Variants in SSUH2 observed in about 807,000 individuals in gnomAD.
The protein encoded by SSUH2 is protein SSUH2 homolog.
SSUH2 carries 47 observed loss-of-function variants against 55.3 expected under a neutral mutation model. The observed-to-expected ratio is 0.85, with a 90% CI of 0.67 to 1.08. The LOEUF is 1.08. Ranked by LOEUF, SSUH2 falls within the 50% of genes least tolerant of loss-of-function variation. The pLI is 0.00. For missense variants in SSUH2, 535 were observed against 490.7 expected, an observed-to-expected ratio of 1.09 and a Z score of -0.85; for synonymous variants, 212 against 191.5, an observed-to-expected ratio of 1.11 and a Z score of -0.89.
chr3:8,655,768 A>G (rs1173197690), intron 7 of SSUH2, among the ~76,000 whole-genome samples: 1 of 152,224 alleles, frequency 6.6e-6, no homozygotes, highest in Non-Finnish European at 1.5e-5. Context: ...AAAACTGATA[A>G]CACAGCCCCT....
intron 7 of SSUH2, among the ~76,000 whole-genome samples, chr3:8,656,235 T>A (rs1347433304): frequency 6.6e-6 from 1 of 152,244 alleles, no homozygotes; most frequent in Non-Finnish European, 1.5e-5. Flanking sequence ...ATACTCTCCC[T>A]CTTTTCCATG....
chr3:8,633,611 G>T, intron 4 of SSUH2, 55 bp downstream of exon 4: 1 of 1,420,078 alleles, frequency 7.0e-7, no homozygotes, highest in Non-Finnish European at 9.4e-7. Context: ...CTGTCCCAAA[G>T]CCCCCAGCTC....
chr3:8,630,402 C>T (rs1698525115), intron 6 of SSUH2, among the ~76,000 whole-genome samples: 3 of 152,206 alleles, frequency 2.0e-5, no homozygotes, highest in Admixed American at 6.5e-5. Context: ...GATTCTGTTT[C>T]CTTACTGACT....
rs748586388 is a variant in SSUH2, at chr3:8,619,765, G to T, written c.*103C>A. The T allele has an allele frequency of 2.2e-6, 3 of 1,387,348 alleles. No individual in the cohort carries two copies. The highest frequency in any genetic ancestry group is 3.0e-6 in the Non-Finnish European group (3 of 1,011,466). 85.9% of individuals were successfully genotyped at this position (1,387,348 alleles called of 1,614,324 possible). ...TTTCTGGAAGGACATGCCAGGGTTTGTATGTGATTGTCCAATGCAGCCAAC... is the reference window on the plus strand; with the variant it reads ...TTTCTGGAAGGACATGCCAGGGTTTTTATGTGATTGTCCAATGCAGCCAAC... On this transcript the variant is annotated 3_prime_UTR_variant, in exon 12 of 12. Coordinates refer to ENST00000544814, the MANE Select transcript of SSUH2 (RefSeq NM_001256748.3).
At chr3:8,632,161 G>A (rs1374534334) in intron 4 of SSUH2, 52 bp from the exon 5 acceptor site, 1 of 1,489,470 alleles carries the variant, frequency 6.7e-7, no homozygotes, top group African/African-American at 1.4e-5. Context: ...TGAAGACAGA[G>A]CATTATGCAA....
intron 7 of SSUH2, among the ~76,000 whole-genome samples, chr3:8,656,556 T>C (rs1559497383): frequency 1.3e-5 from 2 of 152,138 alleles, no homozygotes; most frequent in South Asian, 2.1e-4. Flanking sequence ...TGCCCCACCA[T>C]GTGCCCTAGG....
intron 4 of SSUH2, among the ~76,000 whole-genome samples, chr3:8,633,182 T>C (rs949792400): frequency 3.3e-5 from 5 of 149,914 alleles, no homozygotes; most frequent in African/African-American, 7.4e-5. Flanking sequence ...TCGTTCTTGT[T>C]GCCCAGGCTG....
chr3:8,623,362 C>G (rs1696837499), intron 11 of SSUH2, 187 bp downstream of exon 11: 1 of 510,026 alleles, frequency 2.0e-6, no homozygotes, highest in Non-Finnish European at 3.5e-6. Flanking sequence ...CTTCCTGCCT[C>G]TGCGTCTTAC....
intron 3 of SSUH2, chr3:8,634,579 G>A (rs1699577315): frequency 7.8e-7 from 1 of 1,289,712 alleles, no homozygotes; most frequent in Non-Finnish European, 1.0e-6. Flanking sequence ...ATCCATGGAT[G>A]GCAGCACAAG....
At chr3:8,643,241 TA>T (rs964444265) in intron 1 of SSUH2, among the ~76,000 whole-genome samples, 2 of 151,956 alleles carry the variant, frequency 1.3e-5, no homozygotes, top group East Asian at 1.9e-4. Flanking sequence ...ACCATCCCTT[TA>T]AAAAAAATTA....
rs573033062 is a variant in SSUH2 at position 8,619,809 on chromosome 3, G to A, written c.*59C>T. 11 of 1,583,128 alleles carry A rather than the reference G, an allele frequency of 6.9e-6. No individual in the cohort carries two copies. In the South Asian group the frequency reaches 1.3e-4, roughly 18 times the overall value. ...AGCCAACAGTGAACACACTCAGAGA[G>A]TGTCGGCCATCTTCCTTGGCAAACG... On this transcript the variant is annotated 3_prime_UTR_variant, in exon 12 of 12. Coordinates refer to ENST00000544814, the MANE Select transcript of SSUH2 (RefSeq NM_001256748.3).
intron 8 of SSUH2, among the ~76,000 whole-genome samples, chr3:8,626,663 C>A (rs1697633594): frequency 6.6e-6 from 1 of 151,868 alleles, no homozygotes; most frequent in Admixed American, 6.6e-5. Flanking sequence ...CAGGCGAGTG[C>A]AATGAGATCT....
chr3:8,631,858 TC>T (rs1323315992), intron 5 of SSUH2, among the ~76,000 whole-genome samples, 190 bp downstream of exon 5: 1 of 151,798 alleles, frequency 6.6e-6, no homozygotes, highest in African/African-American at 2.4e-5. Flanking sequence ...AGGAAGCATT[TC>T]CTAAGATAAG....
chr3:8,675,306 C>CGGGCTTCCCCAAGGGTTCAA (rs1348132066), intron 3 of SSUH2, among the ~76,000 whole-genome samples: 2 of 152,136 alleles, frequency 1.3e-5, no homozygotes, highest in African/African-American at 2.4e-5. Flanking sequence ...ACACTTGGAC[C>CGGGCTTCCCCAAGGGTTCAA]GGGCTTCCCC....
chr3:8,641,259 C>T (rs889818964), intron 1 of SSUH2, among the ~76,000 whole-genome samples: 5 of 152,214 alleles, frequency 3.3e-5, no homozygotes, highest in African/African-American at 7.2e-5. Context: ...GGTCTGTGTC[C>T]CCCACCAGAC....
At chr3:8,650,981 A>T (rs1023169412) in intron 7 of SSUH2, among the ~76,000 whole-genome samples, 3 of 152,228 alleles carry the variant, frequency 2.0e-5, no homozygotes, top group Non-Finnish European at 4.4e-5. Context: ...GCTCATTTCC[A>T]GCAAAAGGCA....
chr3:8,674,905 A>C (rs549020670), intron 3 of SSUH2, among the ~76,000 whole-genome samples: 2 of 152,224 alleles, frequency 1.3e-5, no homozygotes, highest in South Asian at 4.2e-4. Flanking sequence ...TTGGCCAGTT[A>C]AGACTGCGGC....
At chr3:8,640,862 C>T (rs1476632273) in intron 1 of SSUH2, among the ~76,000 whole-genome samples, 1 of 152,194 alleles carries the variant, frequency 6.6e-6, no homozygotes, top group Non-Finnish European at 1.5e-5. Flanking sequence ...GCAAATATTG[C>T]AATTTTTGTT....
rs746882683 is a variant in SSUH2 at position 8,627,737 on chromosome 3, G to T, written c.635C>A (p.Ser212Tyr). Residue 212 changes from serine (S) to tyrosine (Y), a missense_variant, in exon 8 of 12, where the codon TCC becomes TAC. Transcript: ENST00000544814. ...CCGAKRKAKQ[S>Y]RRCQLCAGSG... ...CCCCGCGCACAGCTGACATCTCCGG[G>T]ACTGCTTGGCTTTGCGCTTGGCTCC... is the stretch of plus-strand genomic sequence containing the variant. 3 of 1,610,604 alleles carry T rather than the reference G, an allele frequency of 1.9e-6. No individual in the cohort carries two copies. Among genetic ancestry groups the T allele is most frequent in the Non-Finnish European group, 2.5e-6 (3 of 1,178,492 alleles).
Sources: allele counts gnomAD v4.1 joint callset (sites outside exome capture counted in the v4.1 genomes callset), GRCh38; gene constraint gnomAD v4.1.1; transcripts MANE v1.5; gene names NCBI Gene and HGNC (gene_info 2026-07-23, HGNC 2026-07-21).